Variants in DRC5 observed in about 807,000 individuals in gnomAD.
DRC5 encodes the protein dynein regulatory complex subunit 5.
the DRC5 span, chr6:44,279,066 G>C: frequency 6.6e-6 from 1 of 152,330 alleles, no homozygotes; most frequent in Non-Finnish European, 1.5e-5. Flanking sequence ...TCCTGGACTG[G>C]GGTTGTAGCC....
At chr6:44,280,088 G>T in the DRC5 span, 1 of 1,166,182 alleles carries the variant, frequency 8.6e-7, no homozygotes, top group Non-Finnish European at 1.3e-6. Flanking sequence ...CCCCCTCCCC[G>T]CTCCCTCTGA....
the DRC5 span, chr6:44,286,151 A>G: frequency 6.2e-7 from 1 of 1,613,778 alleles, no homozygotes; most frequent in South Asian, 1.1e-5. Flanking sequence ...GGGCTCCTCC[A>G]TCTCTCCCTC....
the DRC5 span, among the ~76,000 whole-genome samples, chr6:44,292,194 T>C: frequency 6.2e-4 from 95 of 152,306 alleles, 2 homozygotes; most frequent in African/African-American, 2.2e-3. Context: ...GGACACCTTG[T>C]TGGAAATAAG....
At chr6:44,290,500 T>C in the DRC5 span, among the ~76,000 whole-genome samples, 2 of 152,056 alleles carry the variant, frequency 1.3e-5, no homozygotes, top group East Asian at 3.9e-4. Flanking sequence ...TTTGGGTGAG[T>C]GCAAAGTTTC....
At chr6:44,283,592 C>A in the DRC5 span, among the ~76,000 whole-genome samples, 11 of 152,162 alleles carry the variant, frequency 7.2e-5, no homozygotes, top group Admixed American at 3.3e-4. Context: ...CTTTGTGTCT[C>A]TTCTCTTTTC....
chr6:44,288,352 A>T, the DRC5 span, among the ~76,000 whole-genome samples: 11 of 152,160 alleles, frequency 7.2e-5, no homozygotes, highest in Non-Finnish European at 1.3e-4. Flanking sequence ...TATTATTCCC[A>T]TTTTTCTGCT....
chr6:44,297,639 A>G, the DRC5 span: 1 of 151,216 alleles, frequency 6.6e-6, no homozygotes, highest in African/African-American at 2.4e-5. Flanking sequence ...GGGTGTCCCC[A>G]CTCCCGGAGG....
chr6:44,290,497 G>A, the DRC5 span, among the ~76,000 whole-genome samples: 2 of 152,200 alleles, frequency 1.3e-5, no homozygotes, highest in Non-Finnish European at 1.5e-5. Flanking sequence ...ATCTTTGGGT[G>A]AGTGCAAAGT....
chr6:44,287,346 G>C, the DRC5 span: 1 of 637,894 alleles, frequency 1.6e-6, no homozygotes, highest in Non-Finnish European at 2.0e-6. Flanking sequence ...TGGGAGTCTG[G>C]TGGGACCTGC....
At chr6:44,282,286 T>G in the DRC5 span, 666 of 1,614,108 alleles carry the variant, frequency 4.1e-4, 8 homozygotes, top group Middle Eastern at 5.8e-3. Context: ...TCATCCTCGA[T>G]GCAGTTGAGA....
At chr6:44,295,785 C>T in the DRC5 span, among the ~76,000 whole-genome samples, 3 of 152,144 alleles carry the variant, frequency 2.0e-5, no homozygotes, top group Non-Finnish European at 2.9e-5. Context: ...TCCACGGTGC[C>T]CCCCACTATC....
the DRC5 span, among the ~76,000 whole-genome samples, chr6:44,285,256 C>T: frequency 2.0e-5 from 3 of 152,228 alleles, no homozygotes. Context: ...AGTATCTCTT[C>T]TTTATAGCAT....
At chr6:44,285,740 A>C in the DRC5 span, among the ~76,000 whole-genome samples, 13 of 152,212 alleles carry the variant, frequency 8.5e-5, no homozygotes. Context: ...CCTGGAGCGC[A>C]GCTGTTTGTT....
the DRC5 span, chr6:44,285,973 G>T: frequency 6.2e-7 from 1 of 1,613,166 alleles, no homozygotes; most frequent in Admixed American, 1.7e-5. Flanking sequence ...CCTTGAGGGT[G>T]TGGCATGCCT....
At chr6:44,287,335 G>A in the DRC5 span, 3 of 724,840 alleles carry the variant, frequency 4.1e-6, no homozygotes, top group South Asian at 1.9e-4. Flanking sequence ...TGCAGTGTGG[G>A]TGGGAGTCTG....
At chr6:44,282,401 GCGGCTGTGGCT>G in the DRC5 span, 1 of 1,614,134 alleles carries the variant, frequency 6.2e-7, no homozygotes, top group Admixed American at 1.7e-5. Context: ...GCACACGCAG[GCGGCTGTGGCT>G]CAGCAGCTTG....
At chr6:44,286,195 C>A in the DRC5 span, 2 of 1,611,594 alleles carry the variant, frequency 1.2e-6, no homozygotes, top group African/African-American at 2.7e-5. Flanking sequence ...CCGGCCGGAG[C>A]TGGGCCGGGA....
chr6:44,290,045 T>G, the DRC5 span, among the ~76,000 whole-genome samples: 6 of 152,212 alleles, frequency 3.9e-5, no homozygotes, highest in South Asian at 2.1e-4. Flanking sequence ...GGGAGAGAGA[T>G]AGTGCGGGAA....
the DRC5 span, among the ~76,000 whole-genome samples, chr6:44,280,943 C>T: frequency 2.0e-5 from 3 of 152,344 alleles, no homozygotes; most frequent in East Asian, 5.8e-4. Flanking sequence ...TTGTGGGAGA[C>T]ACTGAATATT....
Sources: allele counts gnomAD v4.1 joint callset (sites outside exome capture counted in the v4.1 genomes callset), GRCh38; gene constraint gnomAD v4.1.1; transcripts MANE v1.5; gene names NCBI Gene and HGNC (gene_info 2026-07-23, HGNC 2026-07-21).